Variants in MCCC2 observed in about 807,000 individuals in gnomAD.
MCCC2 encodes methylcrotonyl-CoA carboxylase subunit 2, also known as methylcrotonoyl-CoA carboxylase beta chain, mitochondrial.
MCCC2 carries 52 observed loss-of-function variants against 77.2 expected under a neutral mutation model. That is an observed-to-expected ratio of 0.67 (90% confidence interval 0.54 to 0.85). The LOEUF is 0.85. Ranked by LOEUF, MCCC2 falls within the 40% of genes least tolerant of loss-of-function variation. The pLI, the probability that MCCC2 is intolerant of heterozygous loss-of-function variation, is 0.00. For missense variants in MCCC2, 682 were observed against 703.2 expected (o/e 0.97, Z 0.34); for synonymous variants, 253 against 248.4 (o/e 1.02, Z -0.18).
intron 10 of MCCC2, 92 bp from the exon 11 acceptor site, chr5:71,640,911 C>T: frequency 1.8e-6 from 2 of 1,115,694 alleles, no homozygotes; most frequent in Non-Finnish European, 2.7e-6. Flanking sequence ...AAAGTGACAA[C>T]TTCACTGTGA....
chr5:71,589,080 G>A (rs1744869992), intron 1 of MCCC2, among the ~76,000 whole-genome samples: 1 of 152,134 alleles, frequency 6.6e-6, no homozygotes, highest in African/African-American at 2.4e-5. Flanking sequence ...TGAGATGAAG[G>A]AGTCAAAGTT....
Position 71,626,682 on chromosome 5 carries a change from G to T in MCCC2, c.667G>T (p.Val223Leu). The change falls in exon 7 of 17, where the codon GTG becomes TTG. Residue 223 changes from valine to leucine, a missense_variant. Physicochemically the swap from Val to Leu is conservative, Grantham distance 32. Coordinates refer to ENST00000340941, the MANE Select transcript of MCCC2 (RefSeq NM_022132.5). ...MGSCTAGGAY[V>L]PAMADENIIV... ...CTCCTGCACCGCAGGAGGAGCCTATGTGCCTGCCATGGCTGATGAAAACAT... is the reference window on the plus strand; with the variant it reads ...CTCCTGCACCGCAGGAGGAGCCTATTTGCCTGCCATGGCTGATGAAAACAT... 1 of 1,614,132 alleles carries T rather than the reference G, an allele frequency of 6.2e-7. No homozygotes were observed. The highest frequency in any genetic ancestry group is 8.5e-7 in the Non-Finnish European group (1 of 1,180,018).
At chr5:71,646,724 G>A (rs1484843092) in intron 13 of MCCC2, among the ~76,000 whole-genome samples, 2 of 152,134 alleles carry the variant, frequency 1.3e-5, no homozygotes, top group Non-Finnish European at 2.9e-5. Flanking sequence ...TACCTGATCA[G>A]CATTCACATG....
intron 6 of MCCC2, among the ~76,000 whole-genome samples, chr5:71,625,349 G>A (rs1011975797): frequency 9.9e-5 from 15 of 152,266 alleles, no homozygotes; most frequent in African/African-American, 3.6e-4. Flanking sequence ...CCCATAAAAT[G>A]TTTCAAACAT....
At chr5:71,621,016 T>C (rs1006221144) in intron 6 of MCCC2, among the ~76,000 whole-genome samples, 2 of 152,204 alleles carry the variant, frequency 1.3e-5, no homozygotes, top group South Asian at 2.1e-4. Context: ...ATGCCTATGT[T>C]GTGCCACATC....
chr5:71,655,368 A>T (rs1019745400), intron 16 of MCCC2, among the ~76,000 whole-genome samples: 4 of 152,312 alleles, frequency 2.6e-5, no homozygotes, highest in Admixed American at 6.5e-5. Context: ...GTTTTCCTTA[A>T]TCCTAATAGG....
intron 6 of MCCC2, among the ~76,000 whole-genome samples, chr5:71,623,165 A>G (rs1746413193): frequency 2.0e-5 from 3 of 152,246 alleles, no homozygotes; most frequent in Non-Finnish European, 2.9e-5. Context: ...GTAGTCACTT[A>G]AGACAGATGT....
At chr5:71,599,914 C>G (rs1745356881) in intron 4 of MCCC2, among the ~76,000 whole-genome samples, 154 bp downstream of exon 4, 1 of 152,082 alleles carries the variant, frequency 6.6e-6, no homozygotes, top group African/African-American at 2.4e-5. Context: ...GCCTGTAATC[C>G]CAGCACTTTG....
At chr5:71,623,858 A>G (rs1482443369) in intron 6 of MCCC2, among the ~76,000 whole-genome samples, 1 of 152,164 alleles carries the variant, frequency 6.6e-6, no homozygotes, top group African/African-American at 2.4e-5. Context: ...CATATGGTAA[A>G]ATTCCCGGAA....
At chr5:71,630,711 G>A (rs1443184284) in intron 7 of MCCC2, among the ~76,000 whole-genome samples, 1 of 152,126 alleles carries the variant, frequency 6.6e-6, no homozygotes, top group Non-Finnish European at 1.5e-5. Context: ...GGATATTTAA[G>A]ACAAAGCTTT....
rs1745488287 is a variant in MCCC2 at position 71,602,653 on chromosome 5, A to G, written c.511+20A>G. Reference sequence around the variant, plus strand: ...ACTTAGGCAAGTCACCAGAGTGGTAAAATAAACTATTATTAGCTGGTAAAA... The same window carrying G: ...ACTTAGGCAAGTCACCAGAGTGGTAGAATAAACTATTATTAGCTGGTAAAA... On this transcript the variant is annotated intron_variant, in intron 5 of 16. Transcript: ENST00000340941. The G allele has an allele frequency of 4.3e-6, 7 of 1,614,188 alleles. No homozygotes were observed. Among genetic ancestry groups the G allele is most frequent in the Non-Finnish European group, 5.9e-6 (7 of 1,180,016 alleles).
chr5:71,654,819 T>C (rs1470760292), intron 16 of MCCC2, among the ~76,000 whole-genome samples: 2 of 151,880 alleles, frequency 1.3e-5, no homozygotes, highest in East Asian at 1.9e-4. Context: ...GACAGTAAAG[T>C]TTTCTGTGGA....
rs1412143352 is a variant in MCCC2 at position 71,657,130 on chromosome 5, AG to A, written c.*271del. On this transcript the variant is annotated 3_prime_UTR_variant, in exon 17 of 17. Transcript: ENST00000340941. ...TACGGTTATCCTTTCTGACCCACAA[AG>A]TATGAAAAGTTCTGTAATCTGTAAA... is the stretch of plus-strand genomic sequence containing the variant. 1 of 397,054 alleles carries A rather than the reference AG, an allele frequency of 2.5e-6. No individual in the cohort carries two copies. The highest frequency in any genetic ancestry group is 4.7e-6 in the Non-Finnish European group (1 of 212,576). The allele number at this position is 397,054 out of a possible 1,614,324, so 24.6% of individuals were successfully genotyped here. A position where few individuals can be genotyped will look rare whatever the true frequency, so the allele number is the denominator to read the frequency against.
At chr5:71,621,036 A>G (rs139384125) in intron 6 of MCCC2, among the ~76,000 whole-genome samples, 2 of 152,180 alleles carry the variant, frequency 1.3e-5, no homozygotes, top group African/African-American at 4.8e-5. Context: ...CACAAGCCAA[A>G]TCTCTGCCTC....
chr5:71,626,886 G>A (rs879291027), intron 7 of MCCC2, 133 bp downstream of exon 7: 5 of 846,970 alleles, frequency 5.9e-6, no homozygotes, highest in Admixed American at 2.0e-5. Context: ...TGTTGTAACC[G>A]TTTTTCAGTA....
At chr5:71,603,810 T>C (rs556103494) in intron 5 of MCCC2, among the ~76,000 whole-genome samples, 94 of 152,310 alleles carry the variant, frequency 6.2e-4, no homozygotes, top group African/African-American at 2.0e-3. Context: ...TCCTAATATA[T>C]GATATGGCTC....
intron 6 of MCCC2, among the ~76,000 whole-genome samples, chr5:71,613,669 GA>G (rs1243316238): frequency 6.6e-6 from 1 of 152,040 alleles, no homozygotes; most frequent in Middle Eastern, 3.2e-3. Context: ...CCAGGAGGTT[GA>G]AGCTTCAGTG....
At chr5:71,615,588 C>A (rs1256554486) in intron 6 of MCCC2, among the ~76,000 whole-genome samples, 1 of 152,084 alleles carries the variant, frequency 6.6e-6, no homozygotes, top group African/African-American at 2.4e-5. Flanking sequence ...CCTGCTGGTA[C>A]CTTAGTATGA....
intron 6 of MCCC2, among the ~76,000 whole-genome samples, chr5:71,618,555 TTC>T (rs879276194): frequency 1.3e-5 from 2 of 149,016 alleles, no homozygotes; most frequent in African/African-American, 2.5e-5. Context: ...CTTCCTTTCT[TTC>T]TTTCTCTTTC....
Sources: gnomAD v4.1 joint callset for allele counts (sites outside exome capture counted in the v4.1 genomes callset) on GRCh38, gnomAD v4.1.1 for gene constraint, MANE v1.5 for transcripts, NCBI Gene and HGNC (gene_info 2026-07-23, HGNC 2026-07-21) for gene names.